The following ZNF347 variants were observed in gnomAD, a reference collection of about 807,000 sequenced individuals.
ZNF347 encodes zinc finger protein 347, also known as CTD-2620I22.7.
A neutral mutation model predicts 12.9 loss-of-function variants in ZNF347; 19 were observed. The ratio of observed to expected loss-of-function variants is 1.47; its 90% CI spans 1.03 to 2.16. The LOEUF (loss-of-function observed/expected upper bound fraction) is 2.16, where lower values mean the gene tolerates loss of function less well. ZNF347 is among the 30% of genes most tolerant of loss of function. ZNF347 has a pLI of 0.00. For missense variants in ZNF347, 1,005 were observed against 990.6 expected (o/e 1.01, Z -0.19); for synonymous variants, 328 against 340.6 (o/e 0.96, Z 0.41).
At chr19:53,142,977 A>G (rs1033787407) in intron 4 of ZNF347, among the ~76,000 whole-genome samples, 10 of 152,216 alleles carry the variant, frequency 6.6e-5, no homozygotes, top group Admixed American at 1.3e-4. Flanking sequence ...TATTAATATC[A>G]TAATCATGGT....
chr19:53,150,133 C>T (rs572569563), intron 2 of ZNF347, among the ~76,000 whole-genome samples: 10 of 152,282 alleles, frequency 6.6e-5, no homozygotes, highest in African/African-American at 2.4e-4. Flanking sequence ...GTGTTTGCAA[C>T]TGGCATTGAA....
rs553388572 is a variant in ZNF347 at position 53,156,328 on chromosome 19, G to A, written c.-46-2535C>T. On this transcript the variant is annotated intron_variant, in intron 1 of 4. Coordinates refer to ENST00000334197, the MANE Select transcript of ZNF347 (RefSeq NM_032584.3). ...GCAGGCAGGAGAATCGCTTGAACTCGGGAGGCAGAGGCTGCCTTGAGCCAA... is the reference window on the plus strand; with the variant it reads ...GCAGGCAGGAGAATCGCTTGAACTCAGGAGGCAGAGGCTGCCTTGAGCCAA... Among the ~76,000 whole-genome samples the A allele has an allele frequency of 5.9e-5, 9 of 152,106 alleles. No individual in the cohort carries two copies. In the South Asian group the frequency reaches 1.0e-3, roughly 18 times the overall value.
chr19:53,138,750 T>C lies in ZNF347; in HGVS notation c.*1558A>G, dbSNP rs535885492. On this transcript the variant is annotated 3_prime_UTR_variant, in exon 5 of 5. Transcript: ENST00000334197. Reference sequence around the variant, plus strand: ...TATTGTTATTATCTGCTATGAAGTATCCTACTGAGGTAGGATAAAATGATG... The same window carrying C: ...TATTGTTATTATCTGCTATGAAGTACCCTACTGAGGTAGGATAAAATGATG... The C allele has an allele frequency of 6.6e-6, 1 of 152,308 alleles. No individual in the cohort carries two copies. The highest frequency in any genetic ancestry group is 6.5e-5 in the Admixed American group (1 of 15,290). The allele number at this position is 152,308 out of a possible 1,614,324, so 9.4% of individuals were successfully genotyped here. A position where few individuals can be genotyped will look rare whatever the true frequency, so the allele number is the denominator to read the frequency against.
chr19:53,152,575 C>T (rs971298229), intron 2 of ZNF347, among the ~76,000 whole-genome samples: 2 of 152,008 alleles, frequency 1.3e-5, no homozygotes, highest in South Asian at 2.1e-4. Context: ...CCACTCCAGC[C>T]TGGGCAACAG....
chr19:53,144,802 G>A (rs542216196), intron 4 of ZNF347, among the ~76,000 whole-genome samples: 10 of 152,018 alleles, frequency 6.6e-5, no homozygotes, highest in African/African-American at 1.9e-4. Context: ...CCTAACAGAC[G>A]TTTACAGACC....
At chr19:53,146,129 C>T (rs1473710334) in intron 4 of ZNF347, among the ~76,000 whole-genome samples, 4 of 152,060 alleles carry the variant, frequency 2.6e-5, no homozygotes, top group Non-Finnish European at 5.9e-5. Context: ...GCATGTGCCC[C>T]CACGCCCGGC....
At chr19:53,148,601 C>T (rs2146807371) in intron 4 of ZNF347, 80 bp downstream of exon 4, 3 of 1,481,612 alleles carry the variant, frequency 2.0e-6, no homozygotes, top group Non-Finnish European at 1.8e-6. Context: ...CTTGTTTTCC[C>T]ACAGAACTCT....
intron 2 of ZNF347, among the ~76,000 whole-genome samples, chr19:53,151,742 A>G (rs1173308296): frequency 6.6e-6 from 1 of 152,144 alleles, no homozygotes; most frequent in Admixed American, 6.5e-5. Flanking sequence ...AAATTTAAGG[A>G]CACAGAAAAT....
chr19:53,150,208 A>G (rs1473122410), intron 2 of ZNF347, among the ~76,000 whole-genome samples: 1 of 152,176 alleles, frequency 6.6e-6, no homozygotes, highest in Non-Finnish European at 1.5e-5. Context: ...CCAGGTAGAC[A>G]GTGTCAGAAT....
At chr19:53,154,223 T>A (rs2090517201) in intron 1 of ZNF347, among the ~76,000 whole-genome samples, 1 of 151,932 alleles carries the variant, frequency 6.6e-6, no homozygotes, top group Admixed American at 6.6e-5. Flanking sequence ...TGGCTCACAC[T>A]ATAATCCTAG....
At chr19:53,151,339 T>C (rs1483848060) in intron 2 of ZNF347, among the ~76,000 whole-genome samples, 1 of 151,366 alleles carries the variant, frequency 6.6e-6, no homozygotes, top group African/African-American at 2.4e-5. Context: ...ATCAAGACCA[T>C]CCTGGCTAAC....
rs775601711 is a variant in ZNF347, at chr19:53,141,324, T to C, written c.1504A>G (p.Thr502Ala). The change falls in exon 5 of 5, where the codon ACC (threonine) becomes GCC (alanine). Residue 502 changes from threonine (T) to alanine (A), a missense_variant. Physicochemically the swap from Thr to Ala is moderately conservative, Grantham distance 58 (BLOSUM62 0). Transcript: ENST00000334197. ...TCTCCAGTATGGATGACCTGATGGG[T>C]AGTTAGGTTTGAATGTGCTCTAAAG... is the stretch of plus-strand genomic sequence containing the variant. ...KAFRAHSNLT[T>A]HQVIHTGEKP... is the part of the protein sequence containing the mutation. 1.0e-4 allele frequency: 162 copies of C among 1,613,400 alleles called. No homozygotes were observed. Among genetic ancestry groups the C allele is most frequent in the Middle Eastern group, 6.6e-4 (4 of 6,082 alleles).
Position 53,140,284 on chromosome 19 carries a change from C to A in ZNF347, c.*24G>T. 1 of 1,520,096 alleles carries A rather than the reference C, an allele frequency of 6.6e-7. No homozygotes were observed. The highest frequency in any genetic ancestry group is 8.8e-7 in the Non-Finnish European group (1 of 1,135,860). 94.2% of individuals were successfully genotyped at this position (1,520,096 alleles called of 1,614,324 possible). ...GAATTCTAACTGCAAAAGTTACCACCTTCATTTGTAAGGTTTCTCTCCACT... is the reference window on the plus strand; with the variant it reads ...GAATTCTAACTGCAAAAGTTACCACATTCATTTGTAAGGTTTCTCTCCACT... On this transcript the variant is annotated 3_prime_UTR_variant, in exon 5 of 5. Transcript: ENST00000334197.
intron 4 of ZNF347, among the ~76,000 whole-genome samples, chr19:53,147,352 A>G (rs1599856595): frequency 6.6e-6 from 1 of 151,890 alleles, no homozygotes; most frequent in Non-Finnish European, 1.5e-5. Context: ...TCCAGCCTGG[A>G]CAAGAGAACG....
chr19:53,140,346 A>C lies in ZNF347; in HGVS notation c.2482T>G (p.Ser828Ala). The C allele has an allele frequency of 6.4e-7, 1 of 1,574,524 alleles. No homozygotes were observed. The highest frequency in any genetic ancestry group is 8.6e-7 in the Non-Finnish European group (1 of 1,163,826). Reference sequence around the variant, plus strand: ...GATGGCTTGCAAGGTTTGAACTCTGACTTTAGAACTTTCCACACGTTACAT... The same window carrying C: ...GATGGCTTGCAAGGTTTGAACTCTGCCTTTAGAACTTTCCACACGTTACAT... The part of the protein sequence containing the change: ...YKCNVWKVLK[S>A]EFKPCKPSQN... Residue 828 changes from serine to alanine, a missense_variant, in exon 5 of 5, where the codon TCA (serine) becomes GCA (alanine). By Grantham distance (99) the Ser-to-Ala change is moderately conservative. Coordinates refer to ENST00000334197, the MANE Select transcript of ZNF347 (RefSeq NM_032584.3).
chr19:53,148,769 C>T lies in ZNF347; in HGVS notation c.183G>A (p.Glu61=), dbSNP rs781189039. The change falls in exon 4 of 5, where the codon GAG becomes GAA. Residue 61 remains glutamate (E), a synonymous_variant. Coordinates refer to ENST00000334197, the MANE Select transcript of ZNF347 (RefSeq NM_032584.3). ...CCAAAGTGAAAGGCTCCTTCCCTTG[C>T]TCCAACATAGAGATAATACTGAGGT... ...CFDLSIISML[E]QGKEPFTLES... The T allele has an allele frequency of 1.2e-6, 2 of 1,614,040 alleles. No homozygotes were observed. Among genetic ancestry groups the T allele is most frequent in the Admixed American group, 3.3e-5 (2 of 60,012 alleles).
rs764881807 is a variant in ZNF347, at chr19:53,142,545, C to T, written c.283G>A (p.Glu95Lys). 20 of 1,584,856 alleles carry T rather than the reference C, an allele frequency of 1.3e-5. No individual in the cohort carries two copies. Among genetic ancestry groups the T allele is most frequent in the African/African-American group, 9.5e-5 (7 of 73,770 alleles). Residue 95 changes from glutamate (E) to lysine (K), a missense_variant, in exon 5 of 5, where the codon GAA becomes AAA. Physicochemically the swap from Glu to Lys is moderately conservative, Grantham distance 56. Transcript: ENST00000334197. ...IKAVITALSS[E>K]FVMKDLLHKG... ...TGTAGTAAATCTTTCATTACAAATT[C>T]GGAAGAGAGAGCTACAAGATATAAA... is the stretch of plus-strand genomic sequence containing the variant.
intron 3 of ZNF347, 148 bp from the exon 4 acceptor site, chr19:53,148,957 G>A (rs2090480481): frequency 1.7e-6 from 2 of 1,195,238 alleles, no homozygotes; most frequent in African/African-American, 1.5e-5. Flanking sequence ...AAATTGTTAG[G>A]AAACACTATA....
At chr19:53,145,433 C>T (rs1175399579) in intron 4 of ZNF347, among the ~76,000 whole-genome samples, 1 of 149,332 alleles carries the variant, frequency 6.7e-6, no homozygotes, top group African/African-American at 2.5e-5. Context: ...TGCTCTGTCA[C>T]CTACACTGGA....
Sources: gnomAD v4.1 joint callset for allele counts (sites outside exome capture counted in the v4.1 genomes callset) on GRCh38, gnomAD v4.1.1 for gene constraint, MANE v1.5 for transcripts, NCBI Gene and HGNC (gene_info 2026-07-23, HGNC 2026-07-21) for gene names.